The following BPTF variants were observed in gnomAD, a reference collection of about 807,000 sequenced individuals.
BPTF encodes the protein bromodomain PHD finger transcription factor.
A neutral mutation model predicts 292.5 loss-of-function variants in BPTF; 18 were observed. The observed-to-expected ratio is 0.06, with a 90% confidence interval of 0.04 to 0.09. The LOEUF (loss-of-function observed/expected upper bound fraction) is 0.09. Ranked by LOEUF, BPTF falls within the 10% of genes least tolerant of loss-of-function variation. The pLI, the probability that BPTF is intolerant of heterozygous loss-of-function variation, is 1.00. For missense variants in BPTF, 2,726 were observed against 3,498.7 expected, an observed-to-expected ratio of 0.78 and a Z score of 5.57; for synonymous variants, 1,225 against 1,251.9, an observed-to-expected ratio of 0.98 and a Z score of 0.45.
chr17:67,886,458 ATTTAGATGTTCTTTTCC>A (rs889014905), intron 4 of BPTF: 24 of 529,196 alleles, frequency 4.5e-5, no homozygotes, highest in African/African-American at 4.5e-4. Flanking sequence ...GGGGGGTGGA[ATTTAGATGTTCTTTTCC>A]TTTATTTTTC....
intron 23 of BPTF, chr17:67,955,642 CAG>C (rs1423421634): frequency 6.6e-6 from 1 of 151,866 alleles, no homozygotes; most frequent in East Asian, 2.0e-4. Flanking sequence ...GCCTGGCTAA[CAG>C]GGCGAAATCC....
At chr17:67,845,056 C>T (rs1423818251) in intron 1 of BPTF, among the ~76,000 whole-genome samples, 2 of 152,170 alleles carry the variant, frequency 1.3e-5, no homozygotes, top group African/African-American at 2.4e-5. Flanking sequence ...TTGTTTTTTA[C>T]ATGCATAGAT....
chr17:67,899,176 A>G (rs559740320), intron 7 of BPTF, among the ~76,000 whole-genome samples: 1 of 152,342 alleles, frequency 6.6e-6, no homozygotes, highest in South Asian at 2.1e-4. Flanking sequence ...GCAATAATGC[A>G]GGTAGACAAA....
chr17:67,931,681 A>G (rs2064403371), intron 17 of BPTF, among the ~76,000 whole-genome samples: 1 of 152,146 alleles, frequency 6.6e-6, no homozygotes, highest in South Asian at 2.1e-4. Context: ...CTATTTTGGT[A>G]TCAGTGGCAG....
At chr17:67,886,071 A>G (rs752959594) in intron 4 of BPTF, 15 of 1,281,930 alleles carry the variant, frequency 1.2e-5, no homozygotes, top group Non-Finnish European at 1.5e-5. Context: ...CTTTTCTGAC[A>G]ATTCGTCATT....
At chr17:67,924,700 C>A (rs1328767811) in intron 15 of BPTF, 111 bp downstream of exon 15, 2 of 1,200,638 alleles carry the variant, frequency 1.7e-6, no homozygotes, top group Admixed American at 4.4e-5. Flanking sequence ...TCCCACTTGA[C>A]AACATACATA....
At chr17:67,942,863 CA>C (rs1264489469) in intron 19 of BPTF, among the ~76,000 whole-genome samples, 1 of 151,320 alleles carries the variant, frequency 6.6e-6, no homozygotes, top group African/African-American at 2.4e-5. Flanking sequence ...AAGTAGCTGC[CA>C]AAAAAAATAC....
Position 67,875,031 on chromosome 17 carries a change from T to A in BPTF, c.1864+11T>A. On this transcript the variant is annotated intron_variant, in intron 4 of 27. Transcript: ENST00000306378. The stretch of plus-strand genomic sequence containing the variant: ...AAGGAAAATCTGAGGGTAAAAAAAT[T>A]ACTTGATTAAAAAGAAATATTTCAT... 2 of 1,591,720 alleles carry A rather than the reference T, an allele frequency of 1.3e-6. No individual in the cohort carries two copies. Among genetic ancestry groups the A allele is most frequent in the East Asian group, 4.5e-5 (2 of 44,710 alleles).
At chr17:67,914,188 CTT>C (rs1454104869) in intron 11 of BPTF, among the ~76,000 whole-genome samples, 1 of 151,930 alleles carries the variant, frequency 6.6e-6, no homozygotes, top group African/African-American at 2.4e-5. Context: ...TTTTGTGTGT[CTT>C]TTAATATTTT....
intron 1 of BPTF, among the ~76,000 whole-genome samples, chr17:67,831,610 C>T (rs1280937132): frequency 2.0e-5 from 3 of 152,142 alleles, no homozygotes; most frequent in Non-Finnish European, 4.4e-5. Flanking sequence ...TTCCTCTTTC[C>T]TCAAGACCCT....
chr17:67,966,926 C>G (rs1345033611), intron 26 of BPTF, among the ~76,000 whole-genome samples: 6 of 151,490 alleles, frequency 4.0e-5, no homozygotes, highest in African/African-American at 9.7e-5. Flanking sequence ...ATGGTGAAAC[C>G]CCATCTCTAC....
chr17:67,831,008 C>T (rs2056619060), intron 1 of BPTF, among the ~76,000 whole-genome samples: 1 of 152,134 alleles, frequency 6.6e-6, no homozygotes, highest in African/African-American at 2.4e-5. Flanking sequence ...GGGGAAATGG[C>T]CTGAAGCTCT....
intron 7 of BPTF, among the ~76,000 whole-genome samples, chr17:67,901,203 A>T (rs2061813621): frequency 6.6e-6 from 1 of 152,120 alleles, no homozygotes; most frequent in African/African-American, 2.4e-5. Context: ...ATGGGAATTT[A>T]GCTGTAGTAG....
chr17:67,928,390 A>G lies in BPTF; in HGVS notation c.5787A>G (p.Ala1929=). 1.2e-6 allele frequency: 2 copies of G among 1,613,614 alleles called. No individual in the cohort carries two copies. The highest frequency in any genetic ancestry group is 8.5e-7 in the Non-Finnish European group (1 of 1,179,792). The change falls in exon 16 of 28, where the codon GCA becomes GCG. Residue 1929 remains alanine (A), a synonymous_variant. Coordinates refer to ENST00000306378, the MANE Select transcript of BPTF (RefSeq NM_182641.4). The part of the protein sequence containing the change: ...RLEQQKPTVI[A]TSTTSPTSST... ...AGCAGCAGAAGCCGACAGTGATTGC[A>G]ACTTCCACTACTTCCCCAACAAGCA...
At chr17:67,880,964 C>T (rs971627037) in intron 4 of BPTF, among the ~76,000 whole-genome samples, 4 of 151,326 alleles carry the variant, frequency 2.6e-5, no homozygotes, top group African/African-American at 9.7e-5. Context: ...TATATACACA[C>T]ACACACACAC....
intron 27 of BPTF, among the ~76,000 whole-genome samples, chr17:67,979,270 G>A (rs780560651): frequency 6.6e-6 from 1 of 151,488 alleles, no homozygotes; most frequent in African/African-American, 2.4e-5. Flanking sequence ...ACATTGGGCC[G>A]GGCACGGTGG....
intron 13 of BPTF, among the ~76,000 whole-genome samples, chr17:67,922,508 CG>C (rs1176651619): frequency 6.6e-5 from 10 of 152,026 alleles, no homozygotes; most frequent in Admixed American, 3.3e-4. Context: ...GTCAGATGAG[CG>C]GTGGAGGCTT....
At chr17:67,837,533 G>C (rs2057228041) in intron 1 of BPTF, among the ~76,000 whole-genome samples, 1 of 151,924 alleles carries the variant, frequency 6.6e-6, no homozygotes, top group East Asian at 1.9e-4. Context: ...TCAGCCTCCT[G>C]AGTAGCTGTG....
intron 9 of BPTF, 44 bp downstream of exon 9, chr17:67,904,884 T>G: frequency 7.0e-7 from 1 of 1,437,324 alleles, no homozygotes; most frequent in Non-Finnish European, 9.4e-7. Flanking sequence ...GTTTCTGCTT[T>G]ATATTTCTTA....
Sources: gnomAD v4.1 joint callset for allele counts (sites outside exome capture counted in the v4.1 genomes callset) on GRCh38, gnomAD v4.1.1 for gene constraint, MANE v1.5 for transcripts, NCBI Gene and HGNC (gene_info 2026-07-23, HGNC 2026-07-21) for gene names.